The following PIGL variants were observed in gnomAD, a reference collection of about 807,000 sequenced individuals.
PIGL encodes the protein phosphatidylinositol glycan anchor biosynthesis class L, also known as N-acetylglucosaminyl-phosphatidylinositol de-N-acetylase.
A neutral mutation model predicts 31.1 loss-of-function variants in PIGL; 22 were observed. The ratio of observed to expected loss-of-function variants is 0.71; its 90% confidence interval spans 0.51 to 1.01. The LOEUF is 1.01. PIGL is among the 50% of genes least tolerant of loss of function. The pLI, the probability that PIGL is intolerant of heterozygous loss-of-function variation, is 0.00. For missense variants in PIGL, 302 were observed against 315.9 expected (o/e 0.96, Z 0.33); for synonymous variants, 131 against 117.4 (o/e 1.12, Z -0.75).
At chr17:16,313,010 G>C (rs2093061836) in intron 3 of PIGL, among the ~76,000 whole-genome samples, 2 of 152,024 alleles carry the variant, frequency 1.3e-5, no homozygotes, top group Admixed American at 1.3e-4. Context: ...TTGGAATACA[G>C]ACTGAGCTTG....
At position 16,324,102 on chromosome 17, in the gene PIGL, G is replaced by A. The variant is rs140365896; in HGVS notation, c.661-1698G>A. Among the ~76,000 whole-genome samples the A allele has an allele frequency of 6.7e-3, 1,008 of 149,368 alleles. 4 individuals are homozygous for A. The highest frequency in any genetic ancestry group is 0.023 in the African/African-American group (944 of 40,738). On this transcript the variant is annotated intron_variant, in intron 6 of 6. Coordinates refer to ENST00000225609, the MANE Select transcript of PIGL (RefSeq NM_004278.4). ...CTCCTGAGTAGCTGGGGTTACAGGCGTGCACCACCATGCCCAGCTAATTTT... is the reference window on the plus strand; with the variant it reads ...CTCCTGAGTAGCTGGGGTTACAGGCATGCACCACCATGCCCAGCTAATTTT...
rs180969972 is a variant in PIGL at position 16,274,266 on chromosome 17, A to G, written c.336-25622A>G. On this transcript the variant is annotated intron_variant, in intron 2 of 6. Coordinates refer to ENST00000225609, the MANE Select transcript of PIGL (RefSeq NM_004278.4). Reference sequence around the variant, plus strand: ...CAGACGTGAGAAGGTTGGAGCGTGTAAAGGAAATGGGTCACAGGACAAGCA... The same window carrying G: ...CAGACGTGAGAAGGTTGGAGCGTGTGAAGGAAATGGGTCACAGGACAAGCA... Among the ~76,000 whole-genome samples the G allele has an allele frequency of 8.9e-4, 136 of 152,302 alleles. 2 individuals are homozygous for G. In the Middle Eastern group the frequency reaches 0.01, roughly 11 times the overall value.
At position 16,217,393 on chromosome 17, in the gene PIGL, T is replaced by G. The variant is rs759503427; in HGVS notation, c.167T>G (p.Phe56Cys). 6.2e-7 allele frequency: 1 copy of G among 1,614,086 alleles called. No homozygotes were observed. Residue 56 changes from phenylalanine (F) to cysteine (C), a missense_variant, in exon 1 of 7, where the codon TTT (phenylalanine) becomes TGT (cysteine). By Grantham distance (205) the Phe-to-Cys change is radical. Transcript: ENST00000225609. ...GCGCACCCTGACGATGAAGCCATGT[T>G]TTTTGCTCCCACAGTGCTAGGCTTG... ...VIAHPDDEAM[F>C]FAPTVLGLAR... is the part of the protein sequence containing the mutation.
intron 2 of PIGL, among the ~76,000 whole-genome samples, chr17:16,297,775 G>T (rs1208490921): frequency 6.6e-6 from 1 of 152,144 alleles, no homozygotes. Context: ...GAACCACGTG[G>T]AGTGGCCGAC....
chr17:16,227,273 A>G (rs752510680), intron 1 of PIGL, among the ~76,000 whole-genome samples: 25 of 151,222 alleles, frequency 1.7e-4, no homozygotes, highest in Non-Finnish European at 3.2e-4. Flanking sequence ...CATCATGACC[A>G]GCTAATTTTG....
chr17:16,308,983 G>T (rs1327007618), intron 3 of PIGL, among the ~76,000 whole-genome samples: 2 of 152,064 alleles, frequency 1.3e-5, no homozygotes, highest in Admixed American at 1.3e-4. Flanking sequence ...TAAAGACAAG[G>T]TCTCGCCATA....
intron 1 of PIGL, 163 bp downstream of exon 1, chr17:16,217,624 G>GT: frequency 1.8e-6 from 1 of 556,096 alleles, no homozygotes. Context: ...AGGAGCGGCC[G>GT]GCTTACCTGG....
chr17:16,317,204 G>A (rs2093081670), intron 5 of PIGL: 2 of 1,005,018 alleles, frequency 2.0e-6, no homozygotes, highest in African/African-American at 1.7e-5. Flanking sequence ...GCAATACGAA[G>A]ATTCAATGAA....
intron 1 of PIGL, chr17:16,217,808 A>G (rs1379813799): frequency 8.1e-6 from 2 of 248,090 alleles, no homozygotes; most frequent in South Asian, 6.3e-5. Flanking sequence ...TGACCTTACT[A>G]TATAGCACAC....
In PIGL at chr17:16,265,662, C is replaced by T. The variant is rs377672899; in HGVS notation, c.335+31592C>T. ...GGCTGAGGCAGGAGAATCGCTTGAA[C>T]CCAGGAGGCAGAGGTTGCAATGAGC... On this transcript the variant is annotated intron_variant, in intron 2 of 6. Coordinates refer to ENST00000225609, the MANE Select transcript of PIGL (RefSeq NM_004278.4). Among the ~76,000 whole-genome samples the T allele has an allele frequency of 9.2e-5, 14 of 151,694 alleles. No homozygotes were observed. The South Asian group carries it at 2.7e-3, about 29-fold the overall frequency.
In PIGL at chr17:16,271,954, G is replaced by A. The variant is rs143536031; in HGVS notation, c.336-27934G>A. On this transcript the variant is annotated intron_variant, in intron 2 of 6. Transcript: ENST00000225609. ...CTCCCAGGCTGGTTTCAAACTCCTG[G>A]CCTCAAGCAATCTTCCCACCTTGGC... Among the ~76,000 whole-genome samples, 674 of 152,016 alleles carry A rather than the reference G, an allele frequency of 4.4e-3. 8 individuals are homozygous for A. Among genetic ancestry groups the A allele is most frequent in the African/African-American group, 0.015 (630 of 41,476 alleles).
intron 4 of PIGL, among the ~76,000 whole-genome samples, chr17:16,313,939 C>T (rs1334345258): frequency 1.3e-5 from 2 of 152,186 alleles, no homozygotes; most frequent in African/African-American, 4.8e-5. Context: ...TTTGCAAGCC[C>T]TGTGGCACTG....
intron 2 of PIGL, among the ~76,000 whole-genome samples, chr17:16,262,256 C>T (rs2092822284): frequency 6.6e-6 from 1 of 152,010 alleles, no homozygotes; most frequent in South Asian, 2.1e-4. Flanking sequence ...GAAAAACAGG[C>T]GAAGGACTTG....
intron 2 of PIGL, among the ~76,000 whole-genome samples, chr17:16,288,920 A>AT (rs1238516960): frequency 2.6e-5 from 4 of 152,220 alleles, no homozygotes; most frequent in African/African-American, 9.6e-5. Flanking sequence ...TTTGCCTTTT[A>AT]TTCTCAGTTC....
At chr17:16,235,705 G>A (rs183762650) in intron 2 of PIGL, among the ~76,000 whole-genome samples, 10 of 150,566 alleles carry the variant, frequency 6.6e-5, no homozygotes, top group Non-Finnish European at 1.2e-4. Context: ...CACCTGCCTC[G>A]GCCTCCCAAA....
At chr17:16,248,828 G>A (rs1361617711) in intron 2 of PIGL, among the ~76,000 whole-genome samples, 1 of 152,092 alleles carries the variant, frequency 6.6e-6, no homozygotes, top group Non-Finnish European at 1.5e-5. Context: ...CCATAGACTG[G>A]GTGGCTTAAA....
chr17:16,316,810 C>A, intron 5 of PIGL, 98 bp downstream of exon 5: 3 of 1,565,064 alleles, frequency 1.9e-6, no homozygotes, highest in Non-Finnish European at 2.6e-6. Context: ...TGCCCTCAGC[C>A]GAGCAGAGGC....
At chr17:16,226,096 G>T (rs559751396) in intron 1 of PIGL, among the ~76,000 whole-genome samples, 16 of 151,960 alleles carry the variant, frequency 1.1e-4, no homozygotes, top group Non-Finnish European at 2.2e-4. Context: ...CTTGAGCCCA[G>T]GAGTTTGCGA....
chr17:16,217,632 T>TTCACA, intron 1 of PIGL, 171 bp downstream of exon 1: 4 of 540,068 alleles, frequency 7.4e-6, no homozygotes, highest in Non-Finnish European at 6.5e-6. Context: ...CCGGCTTACC[T>TTCACA]GGTGGGTTGG....
Sources: gnomAD v4.1 joint callset for allele counts (sites outside exome capture counted in the v4.1 genomes callset) on GRCh38, gnomAD v4.1.1 for gene constraint, MANE v1.5 for transcripts, NCBI Gene and HGNC (gene_info 2026-07-23, HGNC 2026-07-21) for gene names.